ZFHX3: variants seen among roughly 807,000 people sequenced by gnomAD.
ZFHX3 encodes zinc finger homeobox protein 3.
In ZFHX3, 42 loss-of-function variants were observed where a neutral mutation model predicts 279.1. The ratio of observed to expected loss-of-function variants is 0.15; its 90% CI spans 0.12 to 0.19. The LOEUF (loss-of-function observed/expected upper bound fraction) is 0.19. ZFHX3 is among the 10% of genes least tolerant of loss of function. ZFHX3 has a pLI of 1.00. For synonymous variants in ZFHX3, 2,293 were observed against 1,957.8 expected (o/e 1.17, Z -4.52); for missense variants, 4,981 against 4,754.0 (o/e 1.05, Z -1.40).
intron 3 of ZFHX3, among the ~76,000 whole-genome samples, chr16:73,321,144 C>T (rs185299077): frequency 1.3e-5 from 2 of 152,336 alleles, no homozygotes; most frequent in Admixed American, 1.3e-4. Context: ...AAATTGCCTC[C>T]TCCACTCTCA....
At chr16:73,185,818 ACGGAC>A (rs1967895796) in intron 5 of ZFHX3, among the ~76,000 whole-genome samples, 1 of 152,110 alleles carries the variant, frequency 6.6e-6, no homozygotes, top group Non-Finnish European at 1.5e-5. Context: ...TCCCCGGGCC[ACGGAC>A]CAGTACTGGT....
intron 1 of ZFHX3, among the ~76,000 whole-genome samples, chr16:73,824,400 G>GTTT (rs1163569387): frequency 5.6e-4 from 71 of 125,768 alleles, no homozygotes; most frequent in African/African-American, 2.1e-3. Context: ...TTTTTTTAAT[G>GTTT]TTTTTTTTTT....
intron 2 of ZFHX3, among the ~76,000 whole-genome samples, chr16:72,956,078 T>C (rs142924961): frequency 6.6e-6 from 1 of 152,350 alleles, no homozygotes; most frequent in Admixed American, 6.5e-5. Flanking sequence ...CAGGCAAATA[T>C]TTCAAAATGG....
chr16:73,260,228 G>A (rs1254033308), intron 4 of ZFHX3, among the ~76,000 whole-genome samples: 1 of 152,052 alleles, frequency 6.6e-6, no homozygotes, highest in Non-Finnish European at 1.5e-5. Flanking sequence ...TGGAATTGAC[G>A]TTATGTGCAC....
In ZFHX3 at chr16:72,787,722, GCCGCCGCCGCCGCCACTGCCA is replaced by G. The variant is rs776295944; in HGVS notation, c.10533_10553del (p.Ser3513_Gly3519del). On this transcript the variant is annotated inframe_deletion, in exon 10 of 10. Coordinates refer to ENST00000268489, the MANE Select transcript of ZFHX3 (RefSeq NM_006885.4). Reference sequence around the variant, plus strand: ...CGCCGCCGCCGCCGCCGCCGCCACCGCCGCCGCCGCCGCCACTGCCACCGCCGCCGCCGCCGGTGGGGACGT... The same window carrying G: ...CGCCGCCGCCGCCGCCGCCGCCACCGCCGCCGCCGCCGCCGGTGGGGACGT... The G allele has an allele frequency of 2.6e-4, 317 of 1,229,824 alleles. 19 individuals are homozygous for G. In the East Asian group the frequency reaches 5.1e-3, roughly 20 times the overall value. The allele number at this position is 1,229,824 out of a possible 1,614,324, so 76.2% of individuals were successfully genotyped here. A position where few individuals can be genotyped will look rare whatever the true frequency, so the allele number is the denominator to read the frequency against.
chr16:72,935,947 G>C (rs1038257191), intron 3 of ZFHX3, among the ~76,000 whole-genome samples: 32 of 152,200 alleles, frequency 2.1e-4, no homozygotes, highest in African/African-American at 7.7e-4. Flanking sequence ...ATTTTGATGA[G>C]AGTGCTGGGG....
At chr16:73,835,592 TC>T (rs1342700063) in intron 1 of ZFHX3, among the ~76,000 whole-genome samples, 7 of 145,624 alleles carry the variant, frequency 4.8e-5, no homozygotes, top group African/African-American at 1.8e-4. Flanking sequence ...TGCCTCAGCC[TC>T]CCAAGTAGCT....
intron 1 of ZFHX3, among the ~76,000 whole-genome samples, chr16:73,787,376 G>A (rs867850755): frequency 8.5e-5 from 13 of 152,266 alleles, no homozygotes; most frequent in Admixed American, 1.3e-4. Flanking sequence ...GTGCAAGCAC[G>A]GATCAACCTC....
chr16:73,261,486 A>G (rs986435762), intron 4 of ZFHX3, among the ~76,000 whole-genome samples: 1 of 152,028 alleles, frequency 6.6e-6, no homozygotes, highest in African/African-American at 2.4e-5. Flanking sequence ...AGTATTAAAA[A>G]TAAAATACTA....
chr16:73,798,174 C>A (rs1288883788), intron 1 of ZFHX3, among the ~76,000 whole-genome samples: 1 of 151,962 alleles, frequency 6.6e-6, no homozygotes, highest in African/African-American at 2.4e-5. Context: ...ATGTTCAGAC[C>A]AATTGTGCAT....
chr16:72,788,771 A>T lies in ZFHX3; in HGVS notation c.9505T>A (p.Leu3169Ile). ...GACGCTGAGGACGGTTTATTTGGTA[A>T]TCCAGAAGTGGGGAGGCCAGGGGAA... ...VPSPGLPTSG[L>I]PNKPSSASLS... Residue 3169 changes from leucine (L) to isoleucine (I), a missense_variant, in exon 10 of 10, where the codon TTA (leucine) becomes ATA (isoleucine). By Grantham distance (5) the Leu-to-Ile change is conservative (BLOSUM62 2). Coordinates refer to ENST00000268489, the MANE Select transcript of ZFHX3 (RefSeq NM_006885.4). The T allele has an allele frequency of 1.3e-6, 2 of 1,559,646 alleles. No homozygotes were observed. The highest frequency in any genetic ancestry group is 1.7e-6 in the Non-Finnish European group (2 of 1,154,982).
intron 2 of ZFHX3, among the ~76,000 whole-genome samples, chr16:73,495,682 C>T (rs1421925452): frequency 6.6e-6 from 1 of 152,162 alleles, no homozygotes; most frequent in East Asian, 1.9e-4. Context: ...GACGTTAAGG[C>T]TCAGAAGCTT....
intron 3 of ZFHX3, among the ~76,000 whole-genome samples, chr16:73,455,545 T>A (rs67201449): frequency 0.084 from 12,804 of 152,148 alleles, 730 homozygotes; most frequent in Middle Eastern, 0.13. Flanking sequence ...CAGCAAAAGC[T>A]CATAATTCAA....
At chr16:72,790,776 C>G (rs1018955909) in intron 9 of ZFHX3, 1 of 152,144 alleles carries the variant, frequency 6.6e-6, no homozygotes, top group Admixed American at 6.5e-5. Flanking sequence ...GGACATGGCT[C>G]TGTCTCCACT....
intron 2 of ZFHX3, among the ~76,000 whole-genome samples, chr16:73,586,435 T>C (rs556924619): frequency 1.4e-5 from 2 of 141,640 alleles, no homozygotes; most frequent in East Asian, 2.1e-4. Context: ...CAAAAAAACA[T>C]ACAGAAAAGT....
At position 72,795,092 on chromosome 16, in the gene ZFHX3, G is replaced by A; in HGVS notation, c.7590C>T (p.Tyr2530=). 7 of 1,614,116 alleles carry A rather than the reference G, an allele frequency of 4.3e-6. No individual in the cohort carries two copies. The highest frequency in any genetic ancestry group is 5.9e-6 in the Non-Finnish European group (7 of 1,180,028). Reference sequence around the variant, plus strand: ...ATGCCAACTTACACTGGTCACACTGGTAGGGGATTAGCTGAGGAGGTAGGT... The same window carrying A: ...ATGCCAACTTACACTGGTCACACTGATAGGGGATTAGCTGAGGAGGTAGGT... ...LANLPPQLIP[Y]QCDQCKLAFP... The change falls in exon 9 of 10, where the codon TAC becomes TAT. Residue 2530 remains tyrosine, a synonymous_variant. Transcript: ENST00000268489.
chr16:73,423,235 G>GA (rs5817846), intron 3 of ZFHX3, among the ~76,000 whole-genome samples: 132,382 of 151,028 alleles, frequency 0.88, 58,210 homozygotes, highest in African/African-American at 0.95. Flanking sequence ...AGCTGTTAGG[G>GA]AAAAAAAAAT....
intron 2 of ZFHX3, chr16:73,487,613 CCCAGGCTAGTCTTCAACTCCTGGGCT>C: frequency 3.5e-6 from 1 of 287,316 alleles, no homozygotes; most frequent in South Asian, 3.1e-5. Flanking sequence ...CACTGTGTTG[CCCAGGCTAGTCTTCAACTCCTGGGCT>C]CAAGTGATAC....
intron 3 of ZFHX3, among the ~76,000 whole-genome samples, chr16:72,893,703 A>T (rs2038826142): frequency 6.6e-6 from 1 of 152,216 alleles, no homozygotes; most frequent in Non-Finnish European, 1.5e-5. Flanking sequence ...TGGAGAAAAG[A>T]ATAAGAGGAA....
Sources: gnomAD v4.1 joint callset for allele counts (sites outside exome capture counted in the v4.1 genomes callset) on GRCh38, gnomAD v4.1.1 for gene constraint, MANE v1.5 for transcripts, NCBI Gene and HGNC (gene_info 2026-07-23, HGNC 2026-07-21) for gene names.